VAV3: variants seen among roughly 807,000 people sequenced by gnomAD.
The protein encoded by VAV3 is vav guanine nucleotide exchange factor 3, also known as guanine nucleotide exchange factor VAV3.
Under a neutral mutation model 131.2 loss-of-function variants are expected in VAV3, and 94 were observed. The observed-to-expected ratio is 0.72, with a 90% CI of 0.61 to 0.85. The LOEUF is 0.85. Ranked by LOEUF, VAV3 falls within the 40% of genes least tolerant of loss-of-function variation. The pLI is 0.00. For missense variants in VAV3, 939 were observed against 1,002.7 expected (o/e 0.94, Z 0.86); for synonymous variants, 349 against 342.0 (o/e 1.02, Z -0.22).
intron 25 of VAV3, among the ~76,000 whole-genome samples, chr1:107,578,125 C>A (rs776145779): frequency 6.6e-6 from 1 of 152,146 alleles, no homozygotes; most frequent in African/African-American, 2.4e-5. Flanking sequence ...ACAGACTGGC[C>A]AAGAGAATTG....
chr1:107,624,500 G>A (rs1451911531), intron 20 of VAV3, among the ~76,000 whole-genome samples: 4 of 151,030 alleles, frequency 2.6e-5, no homozygotes, highest in East Asian at 3.9e-4. Flanking sequence ...CAAAACCCAC[G>A]TTGTTACTCA....
chr1:107,889,605 T>C (rs1467493814), intron 1 of VAV3, among the ~76,000 whole-genome samples: 8 of 152,060 alleles, frequency 5.3e-5, no homozygotes, highest in Non-Finnish European at 1.2e-4. Flanking sequence ...CACATAACAT[T>C]TCAGTGTTAG....
chr1:107,857,175 C>A (rs1487639944), intron 2 of VAV3, among the ~76,000 whole-genome samples: 1 of 152,056 alleles, frequency 6.6e-6, no homozygotes, highest in East Asian at 1.9e-4. Context: ...GGGTGGGCAC[C>A]AACTAATCAG....
chr1:107,838,677 A>T (rs1668572739), intron 2 of VAV3, among the ~76,000 whole-genome samples: 1 of 152,192 alleles, frequency 6.6e-6, no homozygotes, highest in Admixed American at 6.5e-5. Flanking sequence ...AGCACTATTC[A>T]CAATAGCAAA....
chr1:107,865,410 G>A (rs936977766), intron 2 of VAV3, among the ~76,000 whole-genome samples: 8 of 152,156 alleles, frequency 5.3e-5, no homozygotes, highest in Admixed American at 3.9e-4. Flanking sequence ...AGTGTAATGA[G>A]TGTATGTGAT....
intron 1 of VAV3, among the ~76,000 whole-genome samples, chr1:107,939,626 T>C (rs933060201): frequency 2.0e-5 from 3 of 152,210 alleles, no homozygotes; most frequent in African/African-American, 7.2e-5. Context: ...TTTTAACTTA[T>C]GGGTTTCTCA....
At chr1:107,708,070 C>CT (rs1428801970) in intron 15 of VAV3, among the ~76,000 whole-genome samples, 11 of 152,142 alleles carry the variant, frequency 7.2e-5, no homozygotes, top group Non-Finnish European at 1.2e-4. Flanking sequence ...TGCACAAGCC[C>CT]TTGGGCAGGA....
chr1:107,923,489 A>G (rs1196498488), intron 1 of VAV3, among the ~76,000 whole-genome samples: 1 of 152,206 alleles, frequency 6.6e-6, no homozygotes, highest in Non-Finnish European at 1.5e-5. Flanking sequence ...TCACACTGCT[A>G]TTAAAAAAAA....
In VAV3 at chr1:107,596,226, C is replaced by G. The variant is rs1651370446; in HGVS notation, c.2336G>C (p.Arg779Thr). 2 of 1,613,340 alleles carry G rather than the reference C, an allele frequency of 1.2e-6. No homozygotes were observed. The highest frequency in any genetic ancestry group is 1.1e-5 in the South Asian group (1 of 90,996). Residue 779 changes from arginine (R) to threonine (T), a missense_variant, in exon 25 of 27, where the codon AGA becomes ACA. Transcript: ENST00000370056. ...ACAATACTTACAGCTGTTGCCTGCT[C>G]TATTACCCCTCTGTCCAGCTGAATG... ...PEHSAGQRGN[R>T]AGNSLLSPKV...
At chr1:107,668,449 T>C (rs1310479862) in intron 19 of VAV3, among the ~76,000 whole-genome samples, 1 of 152,218 alleles carries the variant, frequency 6.6e-6, no homozygotes, top group Non-Finnish European at 1.5e-5. Context: ...ATAATACCTC[T>C]CACAGCTTTG....
intron 19 of VAV3, among the ~76,000 whole-genome samples, chr1:107,649,636 C>A (rs768194949): frequency 6.6e-6 from 1 of 151,986 alleles, no homozygotes; most frequent in Non-Finnish European, 1.5e-5. Context: ...TTCTTTCTCG[C>A]AACCAAAATG....
chr1:107,825,109 A>G (rs968424375), intron 2 of VAV3, among the ~76,000 whole-genome samples: 12 of 152,190 alleles, frequency 7.9e-5, no homozygotes, highest in African/African-American at 2.9e-4. Context: ...CCTTTCTACC[A>G]CAATAATAAA....
In VAV3 at chr1:107,904,437, C is replaced by T. The variant is rs187015828; in HGVS notation, c.205-29420G>A. On this transcript the variant is annotated intron_variant, in intron 1 of 26. Coordinates refer to ENST00000370056, the MANE Select transcript of VAV3 (RefSeq NM_006113.5). Reference sequence around the variant, plus strand: ...ATCCAACTGAAACAAAAATCACCAACGACCTCTCAACTGCCAAATCTGATG... The same window carrying T: ...ATCCAACTGAAACAAAAATCACCAATGACCTCTCAACTGCCAAATCTGATG... Among the ~76,000 whole-genome samples, 12 of 152,292 alleles carry T rather than the reference C, an allele frequency of 7.9e-5. 1 individual carries two copies. The highest frequency in any genetic ancestry group is 3.3e-4 in the Admixed American group (5 of 15,292).
In VAV3 at chr1:107,704,530, C is replaced by T; in HGVS notation, c.1705+20G>A. On this transcript the variant is annotated intron_variant, in intron 17 of 26. Coordinates refer to ENST00000370056, the MANE Select transcript of VAV3 (RefSeq NM_006113.5). ...TATGTCCTCATTAAAAACAGAATTG[C>T]AACAATAAACATGACTTACCACCAG... 6.3e-7 allele frequency: 1 copy of T among 1,593,486 alleles called. No individual in the cohort carries two copies. Among genetic ancestry groups the T allele is most frequent in the Non-Finnish European group, 8.6e-7 (1 of 1,164,064 alleles).
chr1:107,861,623 C>A (rs1449497321), intron 2 of VAV3, among the ~76,000 whole-genome samples: 1 of 151,596 alleles, frequency 6.6e-6, no homozygotes, highest in Non-Finnish European at 1.5e-5. Flanking sequence ...TTGACCTAGA[C>A]TGACCAATAA....
rs771944658 is a variant in VAV3, at chr1:107,760,771, T to C, written c.1017+13A>G. The C allele has an allele frequency of 6.9e-6, 11 of 1,596,036 alleles. No homozygotes were observed. In the Admixed American group the frequency reaches 1.8e-4, roughly 27 times the overall value. On this transcript the variant is annotated intron_variant, in intron 10 of 26. Coordinates refer to ENST00000370056, the MANE Select transcript of VAV3 (RefSeq NM_006113.5). ...ATAAATGGACAATAAATAAACTGTT[T>C]TAAGTTACATACCTGGAGGAGAAGG...
At chr1:107,694,461 G>A (rs1006329896) in intron 17 of VAV3, among the ~76,000 whole-genome samples, 3 of 152,094 alleles carry the variant, frequency 2.0e-5, no homozygotes. Flanking sequence ...TCTAACCCAG[G>A]TGTCTCCTCT....
At chr1:107,953,276 A>G (rs575238604) in intron 1 of VAV3, among the ~76,000 whole-genome samples, 260 of 152,294 alleles carry the variant, frequency 1.7e-3, no homozygotes, top group African/African-American at 6.1e-3. Context: ...TCTCATAGAC[A>G]TGAGGATTGG....
chr1:107,768,532 T>C lies in VAV3; in HGVS notation c.649-23A>G, dbSNP rs72979687. On this transcript the variant is annotated intron_variant, in intron 6 of 26. Coordinates refer to ENST00000370056, the MANE Select transcript of VAV3 (RefSeq NM_006113.5). ...ATACTACCAGGAAAGAAGAAGAAAATAGTAATTAAGTATAACTTGTCCTAA... is the reference window on the plus strand; with the variant it reads ...ATACTACCAGGAAAGAAGAAGAAAACAGTAATTAAGTATAACTTGTCCTAA... 7.7e-4 allele frequency: 1,218 copies of C among 1,584,274 alleles called. 7 individuals carry two copies. The African/African-American group carries it at 0.015, about 19-fold the overall frequency.
Sources: allele counts gnomAD v4.1 joint callset (sites outside exome capture counted in the v4.1 genomes callset), GRCh38; gene constraint gnomAD v4.1.1; transcripts MANE v1.5; gene names NCBI Gene and HGNC (gene_info 2026-07-23, HGNC 2026-07-21).